TRIM71: variants seen among roughly 807,000 people sequenced by gnomAD.
TRIM71 encodes the protein tripartite motif containing 71.
In TRIM71, 9 loss-of-function variants were observed where a neutral mutation model predicts 61.2. The ratio of observed to expected loss-of-function variants is 0.15; its 90% CI spans 0.09 to 0.26. The LOEUF (loss-of-function observed/expected upper bound fraction) is 0.26, where lower values mean the gene tolerates loss of function less well. Among genes scored for constraint, TRIM71 ranks in the 10% least tolerant of loss-of-function variants. The pLI is 1.00. For synonymous variants in TRIM71, 645 were observed against 553.2 expected (o/e 1.17, Z -2.33); for missense variants, 998 against 1,238.7 (o/e 0.81, Z 2.92).
chr3:32,853,969 A>C (rs1337966201), intron 1 of TRIM71, among the ~76,000 whole-genome samples: 2 of 151,324 alleles, frequency 1.3e-5, no homozygotes, highest in Non-Finnish European at 2.9e-5. Flanking sequence ...ACGCCACTGC[A>C]CTCCAGCCTG....
intron 1 of TRIM71, among the ~76,000 whole-genome samples, chr3:32,865,132 A>ACG (rs1696718087): frequency 6.6e-6 from 1 of 152,122 alleles, no homozygotes; most frequent in African/African-American, 2.4e-5. Flanking sequence ...GATTGAGACC[A>ACG]TCCTGGCTAA....
intron 1 of TRIM71, among the ~76,000 whole-genome samples, chr3:32,867,379 C>G (rs1696749636): frequency 6.6e-6 from 1 of 152,110 alleles, no homozygotes. Context: ...AATGATTGAT[C>G]ATTTTCACAC....
chr3:32,837,738 G>T lies in TRIM71; in HGVS notation c.852+18806G>T, dbSNP rs561549593. On this transcript the variant is annotated intron_variant, in intron 1 of 3. Coordinates refer to ENST00000383763, the MANE Select transcript of TRIM71 (RefSeq NM_001039111.3). Reference sequence around the variant, plus strand: ...GGAGAATGGTGTGAACCCGGGAGGCGGAGGCTTCAGTGAGCCGACATTATA... The same window carrying T: ...GGAGAATGGTGTGAACCCGGGAGGCTGAGGCTTCAGTGAGCCGACATTATA... Among the ~76,000 whole-genome samples the T allele has an allele frequency of 1.8e-4, 27 of 152,170 alleles. 1 individual carries two copies. In the South Asian group the frequency reaches 5.0e-3, roughly 28 times the overall value.
chr3:32,881,181 G>T (rs1167769915), intron 2 of TRIM71, among the ~76,000 whole-genome samples: 1 of 151,980 alleles, frequency 6.6e-6, no homozygotes, highest in South Asian at 2.1e-4. Flanking sequence ...ACCACACCTG[G>T]CTAATTTTGG....
At chr3:32,832,841 T>G (rs1387861270) in intron 1 of TRIM71, among the ~76,000 whole-genome samples, 1 of 152,026 alleles carries the variant, frequency 6.6e-6, no homozygotes, top group African/African-American at 2.4e-5. Context: ...AATTGGTGTA[T>G]CAGGGGCCAG....
intron 1 of TRIM71, among the ~76,000 whole-genome samples, chr3:32,830,454 A>G (rs562531198): frequency 6.6e-6 from 1 of 152,198 alleles, no homozygotes; most frequent in South Asian, 2.1e-4. Context: ...TGAAATGATA[A>G]CTCCATCTCA....
chr3:32,883,878 G>C (rs887647439), intron 2 of TRIM71, among the ~76,000 whole-genome samples: 1 of 152,214 alleles, frequency 6.6e-6, no homozygotes, highest in Admixed American at 6.5e-5. Flanking sequence ...TAAAGGTGGA[G>C]CAGAAACATT....
At position 32,891,211 on chromosome 3, in the gene TRIM71, G is replaced by T. The variant is rs1697021178; in HGVS notation, c.2007G>T (p.Val669=). 1 of 1,613,192 alleles carries T rather than the reference G, an allele frequency of 6.2e-7. No individual in the cohort carries two copies. Among genetic ancestry groups the T allele is most frequent in the African/African-American group, 1.3e-5 (1 of 74,902 alleles). Residue 669 remains valine, a synonymous_variant, in exon 4 of 4, where the codon GTG becomes GTT. Coordinates refer to ENST00000383763, the MANE Select transcript of TRIM71 (RefSeq NM_001039111.3). The surrounding 1 kb of genome is among the most constrained non-coding windows in gnomAD (Gnocchi z 8.2). ...GTGACGCCTCACGCAGGATCGTGGTGGCTGACAAGGACAATCATCGCATCC... is the reference window on the plus strand; with the variant it reads ...GTGACGCCTCACGCAGGATCGTGGTTGCTGACAAGGACAATCATCGCATCC... The part of the protein sequence containing the change: ...VACDASRRIV[V]ADKDNHRIQI...
chr3:32,824,172 A>G (rs1020637328), intron 1 of TRIM71, among the ~76,000 whole-genome samples: 1 of 151,770 alleles, frequency 6.6e-6, no homozygotes, highest in Non-Finnish European at 1.5e-5. Flanking sequence ...TAATACTTTT[A>G]TTTAGTCCTT....
At chr3:32,847,653 T>C (rs997056432) in intron 1 of TRIM71, among the ~76,000 whole-genome samples, 2 of 152,238 alleles carry the variant, frequency 1.3e-5, no homozygotes, top group African/African-American at 4.8e-5. Context: ...AAGTACACAT[T>C]GACTATCTGT....
intron 1 of TRIM71, among the ~76,000 whole-genome samples, chr3:32,862,040 T>TTC (rs2125685352): frequency 6.6e-6 from 1 of 152,306 alleles, no homozygotes; most frequent in South Asian, 2.1e-4. Context: ...AAAACAAAAT[T>TTC]TCTATAGTAA....
chr3:32,887,502 T>C (rs982905208), intron 3 of TRIM71, among the ~76,000 whole-genome samples: 7 of 116,370 alleles, frequency 6.0e-5, no homozygotes, highest in African/African-American at 1.3e-4. Context: ...TTTTTTTTTT[T>C]CTGTTCCTTC....
chr3:32,873,045 G>A (rs1696812707), intron 1 of TRIM71, among the ~76,000 whole-genome samples: 1 of 144,536 alleles, frequency 6.9e-6, no homozygotes, highest in Non-Finnish European at 1.5e-5. Context: ...TAAAGGTTGT[G>A]CCAGCCCTTC....
chr3:32,860,680 A>AC (rs1696657322), intron 1 of TRIM71, among the ~76,000 whole-genome samples: 2 of 152,154 alleles, frequency 1.3e-5, no homozygotes, highest in South Asian at 4.1e-4. Flanking sequence ...CGTGGGGCCC[A>AC]CCTTCCTCAG....
At chr3:32,888,571 G>A (rs149023537) in intron 3 of TRIM71, among the ~76,000 whole-genome samples, 4 of 151,164 alleles carry the variant, frequency 2.6e-5, no homozygotes, top group African/African-American at 4.9e-5. Context: ...ACGGAGTTTC[G>A]CTCTTATTGC....
At chr3:32,838,444 G>A (rs1045621241) in intron 1 of TRIM71, among the ~76,000 whole-genome samples, 2 of 150,828 alleles carry the variant, frequency 1.3e-5, no homozygotes, top group Non-Finnish European at 2.9e-5. Context: ...GGCTGGTCTC[G>A]AACTCCTGAC....
chr3:32,820,416 T>C (rs573623137), intron 1 of TRIM71, among the ~76,000 whole-genome samples: 197 of 152,356 alleles, frequency 1.3e-3, no homozygotes, highest in African/African-American at 4.6e-3. Flanking sequence ...ATCTTTTTTT[T>C]CCGTTTTTAA....
intron 3 of TRIM71, among the ~76,000 whole-genome samples, chr3:32,888,192 G>C (rs374646352): frequency 3.3e-5 from 5 of 152,044 alleles, no homozygotes; most frequent in African/African-American, 1.2e-4. Context: ...GATTTAAAGG[G>C]CTCTTTTGGA....
At chr3:32,875,459 C>T (rs1032875715) in intron 2 of TRIM71, among the ~76,000 whole-genome samples, 5 of 152,102 alleles carry the variant, frequency 3.3e-5, no homozygotes, top group African/African-American at 1.2e-4. Flanking sequence ...AGTTGTTCAC[C>T]CTCTAGGAGA....
Sources: gnomAD v4.1 joint callset for allele counts (sites outside exome capture counted in the v4.1 genomes callset) on GRCh38, gnomAD v4.1.1 for gene constraint, Gnocchi (gnomAD v3.1) non-coding constraint, MANE v1.5 for transcripts, NCBI Gene and HGNC (gene_info 2026-07-23, HGNC 2026-07-21) for gene names.